SDK1: variants seen among roughly 807,000 people sequenced by gnomAD.
SDK1 encodes protein sidekick-1.
A neutral mutation model predicts 245.5 loss-of-function variants in SDK1; 157 were observed. The observed-to-expected ratio is 0.64, with a 90% CI of 0.56 to 0.73. SDK1 has a LOEUF of 0.73. Among genes scored for constraint, SDK1 ranks in the 30% least tolerant of loss-of-function variants. SDK1 has a pLI of 0.00. For synonymous variants in SDK1, 1,647 were observed against 1,278.5 expected (o/e 1.29, Z -6.15); for missense variants, 3,583 against 3,002.3 (o/e 1.19, Z -4.52).
chr7:4,056,153 A>ATTTTTTTTTT, intron 19 of SDK1, among the ~76,000 whole-genome samples: 1 of 142,364 alleles, frequency 7.0e-6, no homozygotes, highest in Non-Finnish European at 1.5e-5. Flanking sequence ...AATAATCTCA[A>ATTTTTTTTTT]TTTTTTTTTT....
chr7:3,550,852 A>C (rs1779380205), intron 1 of SDK1, among the ~76,000 whole-genome samples: 1 of 152,104 alleles, frequency 6.6e-6, no homozygotes, highest in Admixed American at 6.5e-5. Flanking sequence ...ACTGTATTCA[A>C]GATTAGGGTT....
intron 1 of SDK1, among the ~76,000 whole-genome samples, chr7:3,482,662 C>T (rs1370831702): frequency 6.6e-6 from 1 of 152,172 alleles, no homozygotes; most frequent in African/African-American, 2.4e-5. Context: ...TCCAAAACAA[C>T]CTCCAGCAAA....
chr7:3,557,697 C>G (rs1000091406), intron 1 of SDK1, among the ~76,000 whole-genome samples: 1 of 152,260 alleles, frequency 6.6e-6, no homozygotes, highest in East Asian at 1.9e-4. Context: ...GTAAAGGGTA[C>G]TCAGAATCTC....
intron 11 of SDK1, among the ~76,000 whole-genome samples, chr7:3,970,472 A>G (rs901276522): frequency 2.6e-5 from 4 of 152,216 alleles, no homozygotes; most frequent in Admixed American, 6.5e-5. Flanking sequence ...GTATCCCTAA[A>G]TAGTAACCAT....
rs1043413717 is a variant in SDK1 at position 3,863,649 on chromosome 7, C to G, written c.847+42066C>G. 3.2e-4 allele frequency among the ~76,000 whole-genome samples: 49 copies of G among 152,166 alleles called. 2 individuals are homozygous for G. Among genetic ancestry groups the G allele is most frequent in the Admixed American group, 3.2e-3 (49 of 15,288 alleles). On this transcript the variant is annotated intron_variant, in intron 5 of 44. Coordinates refer to ENST00000404826, the MANE Select transcript of SDK1 (RefSeq NM_152744.4). Reference sequence around the variant, plus strand: ...GTTCTACTTTCTGTCTCTGAATGTTCCTACTCTGTGAAGGTCATAGAAGCA... The same window carrying G: ...GTTCTACTTTCTGTCTCTGAATGTTGCTACTCTGTGAAGGTCATAGAAGCA...
intron 1 of SDK1, among the ~76,000 whole-genome samples, chr7:3,359,435 G>A (rs1780893715): frequency 1.3e-5 from 2 of 152,192 alleles, no homozygotes; most frequent in Non-Finnish European, 2.9e-5. Flanking sequence ...TCTTAGGGAA[G>A]GTGGCAAGTT....
At chr7:3,990,499 C>A (rs998662911) in intron 14 of SDK1, among the ~76,000 whole-genome samples, 13 of 152,204 alleles carry the variant, frequency 8.5e-5, no homozygotes, top group Non-Finnish European at 1.5e-4. Context: ...AGAAGAGTTT[C>A]CTGAGGATGG....
chr7:3,935,608 G>GGT lies in SDK1; in HGVS notation c.848-15314_848-15313dup, dbSNP rs1780131579. Among the ~76,000 whole-genome samples the GGT allele has an allele frequency of 7.2e-5, 11 of 152,224 alleles. 1 individual carries two copies. In the South Asian group the frequency reaches 2.3e-3, roughly 32 times the overall value. On this transcript the variant is annotated intron_variant, in intron 5 of 44. Transcript: ENST00000404826. ...CTCCAAAGAAGAGATACAAATGACT[G>GGT]GTAAGCACATGAAAAAATACTCAAC... is the stretch of plus-strand genomic sequence containing the variant.
At chr7:3,485,087 C>T (rs1444929612) in intron 1 of SDK1, among the ~76,000 whole-genome samples, 1 of 152,144 alleles carries the variant, frequency 6.6e-6, no homozygotes, top group Admixed American at 6.5e-5. Context: ...ATACTGTTTT[C>T]CATAATAGTT....
At chr7:3,805,021 A>G (rs1325281678) in intron 4 of SDK1, among the ~76,000 whole-genome samples, 1 of 152,200 alleles carries the variant, frequency 6.6e-6, no homozygotes, top group African/African-American at 2.4e-5. Context: ...AGTAGATTTT[A>G]AATGTTCTTA....
chr7:3,666,880 C>T (rs1195554840), intron 4 of SDK1, among the ~76,000 whole-genome samples: 3 of 152,272 alleles, frequency 2.0e-5, no homozygotes, highest in East Asian at 3.9e-4. Context: ...CCCTTGTCTG[C>T]ATCTGCTATC....
At chr7:3,809,513 C>G (rs113958475) in intron 4 of SDK1, among the ~76,000 whole-genome samples, 4 of 152,214 alleles carry the variant, frequency 2.6e-5, no homozygotes, top group African/African-American at 7.2e-5. Context: ...ACTCGGCAAT[C>G]GAAAAGAGTC....
intron 1 of SDK1, among the ~76,000 whole-genome samples, chr7:3,576,628 T>G (rs977896911): frequency 1.3e-5 from 2 of 152,026 alleles, no homozygotes; most frequent in Admixed American, 1.3e-4. Flanking sequence ...CATAATATAT[T>G]CTGTCATTTT....
intron 1 of SDK1, among the ~76,000 whole-genome samples, chr7:3,363,104 A>G (rs1007398787): frequency 1.1e-4 from 17 of 152,154 alleles, no homozygotes; most frequent in Non-Finnish European, 2.5e-4. Context: ...AGGATCTCTC[A>G]TGTTGCCCTT....
At chr7:3,414,686 C>G (rs1452165001) in intron 1 of SDK1, among the ~76,000 whole-genome samples, 1 of 152,168 alleles carries the variant, frequency 6.6e-6, no homozygotes, top group Admixed American at 6.5e-5. Flanking sequence ...ACTATCTTGA[C>G]TGCAGAACAT....
chr7:3,559,582 A>C (rs1451436588), intron 1 of SDK1, among the ~76,000 whole-genome samples: 1 of 152,138 alleles, frequency 6.6e-6, no homozygotes, highest in African/African-American at 2.4e-5. Flanking sequence ...TTTCTGATTC[A>C]CCACCAGTGT....
intron 19 of SDK1, among the ~76,000 whole-genome samples, chr7:4,066,853 G>T (rs763362829): frequency 6.6e-6 from 1 of 152,332 alleles, no homozygotes; most frequent in South Asian, 2.1e-4. Context: ...GGAGCTCTGC[G>T]CCTGTGGCCG....
chr7:3,672,581 A>G (rs1451747597), intron 4 of SDK1, among the ~76,000 whole-genome samples: 2 of 142,942 alleles, frequency 1.4e-5, no homozygotes, highest in East Asian at 3.9e-4. Flanking sequence ...TGATGTGGAG[A>G]AATATATATA....
chr7:3,943,129 G>T (rs1273455336), intron 5 of SDK1, among the ~76,000 whole-genome samples: 1 of 152,202 alleles, frequency 6.6e-6, no homozygotes, highest in African/African-American at 2.4e-5. Flanking sequence ...AAACCAAAAT[G>T]TAGGATTTGC....
Sources: allele counts gnomAD v4.1 joint callset (sites outside exome capture counted in the v4.1 genomes callset), GRCh38; gene constraint gnomAD v4.1.1; transcripts MANE v1.5; gene names NCBI Gene and HGNC (gene_info 2026-07-23, HGNC 2026-07-21).